PAG1: variants seen among roughly 807,000 people sequenced by gnomAD.
PAG1 encodes phosphoprotein membrane anchor with glycosphingolipid microdomains 1, also known as phosphoprotein associated with glycosphingolipid-enriched microdomains 1.
PAG1 carries 23 observed loss-of-function variants against 31.7 expected under a neutral mutation model. That is an observed-to-expected ratio of 0.73 (90% CI 0.52 to 1.03). The LOEUF (loss-of-function observed/expected upper bound fraction) is 1.03, where lower values mean the gene tolerates loss of function less well. Among genes scored for constraint, PAG1 ranks in the 50% least tolerant of loss-of-function variants. PAG1 has a pLI of 0.00. For missense variants in PAG1, 473 were observed against 540.7 expected (o/e 0.87, Z 1.24); for synonymous variants, 214 against 210.3 (o/e 1.02, Z -0.15).
chr8:81,027,101 C>T (rs1302842209), intron 3 of PAG1, among the ~76,000 whole-genome samples: 1 of 151,954 alleles, frequency 6.6e-6, no homozygotes, highest in East Asian at 1.9e-4. Flanking sequence ...GCCTCTGCCT[C>T]CCAGGATCAA....
rs1807117833 is a variant in PAG1 at position 80,973,423 on chromosome 8, T to C, written c.*3121A>G. On this transcript the variant is annotated 3_prime_UTR_variant, in exon 9 of 9. Transcript: ENST00000220597. ...CATAAAACAGGTTACCCTTTCCTGC[T>C]GACTATACTTAAGAAATACCAAAGT... 6.6e-6 allele frequency: 1 copy of C among 152,208 alleles called. No homozygotes were observed. The highest frequency in any genetic ancestry group is 2.1e-4 in the South Asian group (1 of 4,832). The allele number at this position is 152,208 out of a possible 1,614,324, so 9.4% of individuals were successfully genotyped here.
At chr8:81,085,589 G>A (rs1225267983) in intron 1 of PAG1, among the ~76,000 whole-genome samples, 2 of 152,136 alleles carry the variant, frequency 1.3e-5, no homozygotes, top group South Asian at 2.1e-4. Flanking sequence ...CCCTACCTAT[G>A]TCCACAGAAG....
At chr8:81,060,392 T>C (rs1024776426) in intron 2 of PAG1, among the ~76,000 whole-genome samples, 3 of 152,230 alleles carry the variant, frequency 2.0e-5, no homozygotes, top group African/African-American at 7.2e-5. Context: ...CGGATGTTTT[T>C]CTTACAGGTT....
intron 1 of PAG1, among the ~76,000 whole-genome samples, chr8:81,090,095 A>G (rs75087467): frequency 0.034 from 5,115 of 152,270 alleles, 285 homozygotes; most frequent in African/African-American, 0.12. Context: ...AATTAAAACA[A>G]TCTCAAACAA....
chr8:80,981,898 C>G, intron 7 of PAG1, among the ~76,000 whole-genome samples: 1 of 131,568 alleles, frequency 7.6e-6, no homozygotes, highest in South Asian at 2.6e-4. Context: ...CAGCGTCTCA[C>G]TCTGCCATTC....
At chr8:81,040,631 T>C (rs1228682516) in intron 2 of PAG1, 1 of 152,242 alleles carries the variant, frequency 6.6e-6, no homozygotes, top group African/African-American at 2.4e-5. Context: ...TTCAGTACAT[T>C]ATTATTTTTT....
In PAG1 at chr8:81,104,105, T is replaced by C. The variant is rs140127568; in HGVS notation, c.-234+7486A>G. On this transcript the variant is annotated intron_variant, in intron 1 of 8. Coordinates refer to ENST00000220597, the MANE Select transcript of PAG1 (RefSeq NM_018440.4). ...TCCCCTTTCCCACCCACCTTCCACA[T>C]GGTAGGTCTTAATATTTATTGACCA... Among the ~76,000 whole-genome samples, 47 of 152,314 alleles carry C rather than the reference T, an allele frequency of 3.1e-4. 1 individual carries two copies. The highest frequency in any genetic ancestry group is 1.1e-3 in the African/African-American group (45 of 41,568).
chr8:81,028,828 G>C (rs1586175266), intron 3 of PAG1, among the ~76,000 whole-genome samples: 1 of 152,132 alleles, frequency 6.6e-6, no homozygotes, highest in Non-Finnish European at 1.5e-5. Context: ...AGAATGAATA[G>C]TATCACAAAA....
intron 1 of PAG1, among the ~76,000 whole-genome samples, chr8:81,105,784 T>C (rs1809684341): frequency 6.6e-6 from 1 of 152,216 alleles, no homozygotes; most frequent in Non-Finnish European, 1.5e-5. Flanking sequence ...ACGAGATGCC[T>C]GAGAACTTAT....
At chr8:80,997,188 T>C (rs938229329) in intron 3 of PAG1, among the ~76,000 whole-genome samples, 3 of 152,256 alleles carry the variant, frequency 2.0e-5, no homozygotes, top group Non-Finnish European at 4.4e-5. Flanking sequence ...CTATGTTTTT[T>C]TCATGAAGAC....
intron 3 of PAG1, among the ~76,000 whole-genome samples, chr8:81,021,060 G>A (rs1808159056): frequency 6.6e-6 from 1 of 152,244 alleles, no homozygotes; most frequent in East Asian, 1.9e-4. Flanking sequence ...GCCCCGCTAG[G>A]GGCATCTGGA....
In PAG1 at chr8:81,096,377, G is replaced by A. The variant is rs145393952; in HGVS notation, c.-234+15214C>T. Reference sequence around the variant, plus strand: ...ACTTTATAAAAAAGGCTACCCAAATGAATCTCTGCCCAACTCCTGGACTTG... The same window carrying A: ...ACTTTATAAAAAAGGCTACCCAAATAAATCTCTGCCCAACTCCTGGACTTG... On this transcript the variant is annotated intron_variant, in intron 1 of 8. Transcript: ENST00000220597. Among the ~76,000 whole-genome samples the A allele has an allele frequency of 5.1e-3, 773 of 152,236 alleles. 7 individuals are homozygous for A. Among genetic ancestry groups the A allele is most frequent in the Middle Eastern group, 0.027 (8 of 294 alleles).
chr8:81,054,362 T>C (rs1341688488), intron 2 of PAG1, among the ~76,000 whole-genome samples: 1 of 152,148 alleles, frequency 6.6e-6, no homozygotes, highest in Non-Finnish European at 1.5e-5. Context: ...ATGAGGATAA[T>C]GACTCTAACA....
At chr8:80,982,987 G>A (rs1413953246) in intron 7 of PAG1, among the ~76,000 whole-genome samples, 3 of 152,166 alleles carry the variant, frequency 2.0e-5, no homozygotes, top group Non-Finnish European at 4.4e-5. Context: ...GGGATCCTTT[G>A]AAAACATAGG....
chr8:80,989,198 T>C (rs1409974052), intron 5 of PAG1, among the ~76,000 whole-genome samples: 18 of 152,212 alleles, frequency 1.2e-4, no homozygotes, highest in Admixed American at 6.5e-5. Context: ...ATGCAGCTCA[T>C]TCACGTCTGA....
At chr8:80,978,899 G>A (rs1807239500) in intron 8 of PAG1, among the ~76,000 whole-genome samples, 1 of 152,026 alleles carries the variant, frequency 6.6e-6, no homozygotes, top group African/African-American at 2.4e-5. Flanking sequence ...TCCTCAGTCT[G>A]TAAATTGTTG....
intron 6 of PAG1, among the ~76,000 whole-genome samples, chr8:80,986,062 C>T (rs1277262366): frequency 6.6e-6 from 1 of 152,188 alleles, no homozygotes; most frequent in Admixed American, 6.5e-5. Flanking sequence ...TGCCATGCAC[C>T]AGGGATGGTG....
At chr8:81,058,507 G>C (rs554633744) in intron 2 of PAG1, 3 of 152,490 alleles carry the variant, frequency 2.0e-5, no homozygotes, top group African/African-American at 7.2e-5. Flanking sequence ...TAAGGCAGGA[G>C]GATCGCTTGA....
chr8:81,004,500 C>G (rs1183799230), intron 3 of PAG1, among the ~76,000 whole-genome samples: 1 of 152,174 alleles, frequency 6.6e-6, no homozygotes, highest in Non-Finnish European at 1.5e-5. Context: ...ATCTTCTAAT[C>G]ACACCATGAA....
Sources: allele counts gnomAD v4.1 joint callset (sites outside exome capture counted in the v4.1 genomes callset), GRCh38; gene constraint gnomAD v4.1.1; transcripts MANE v1.5; gene names NCBI Gene and HGNC (gene_info 2026-07-23, HGNC 2026-07-21).